ARNT2: variants seen among roughly 807,000 people sequenced by gnomAD.
The protein encoded by ARNT2 is ARNT protein 2.
A neutral mutation model predicts 91.7 loss-of-function variants in ARNT2; 36 were observed. The ratio of observed to expected loss-of-function variants is 0.39; its 90% CI spans 0.30 to 0.52. The LOEUF (loss-of-function observed/expected upper bound fraction) is 0.52, where lower values mean the gene tolerates loss of function less well. Ranked by LOEUF, ARNT2 falls within the 20% of genes least tolerant of loss-of-function variation. The pLI is 0.72. For missense variants in ARNT2, 775 were observed against 939.3 expected (o/e 0.83, Z 2.29); for synonymous variants, 365 against 347.1 (o/e 1.05, Z -0.57).
intron 3 of ARNT2, among the ~76,000 whole-genome samples, chr15:80,464,530 G>A (rs1039527815): frequency 6.6e-6 from 1 of 152,174 alleles, no homozygotes; most frequent in Non-Finnish European, 1.5e-5. Context: ...TGGACACACA[G>A]GTATCTTGTA....
At chr15:80,448,270 T>C (rs1896334776) in intron 1 of ARNT2, among the ~76,000 whole-genome samples, 1 of 152,266 alleles carries the variant, frequency 6.6e-6, no homozygotes, top group South Asian at 2.1e-4. Context: ...GACTTTCTTT[T>C]ACCTCATGAT....
rs116951936 is a variant in ARNT2, at chr15:80,438,169, A to G, written c.32-12711A>G. 2.6e-3 allele frequency among the ~76,000 whole-genome samples: 395 copies of G among 152,176 alleles called. 12 individuals are homozygous for G. In the East Asian group the frequency reaches 0.062, roughly 24 times the overall value. ...AGGATTCCTCACATTGTAAAGTTAA[A>G]CTCTAAGTCAGAAACAGTTGTATCT... is the stretch of plus-strand genomic sequence containing the variant. On this transcript the variant is annotated intron_variant, in intron 1 of 18. Transcript: ENST00000303329.
intron 1 of ARNT2, among the ~76,000 whole-genome samples, chr15:80,424,355 T>G (rs1895904310): frequency 6.6e-6 from 1 of 152,254 alleles, no homozygotes; most frequent in Non-Finnish European, 1.5e-5. Flanking sequence ...GGTTTCAGAC[T>G]TCATCTGGTT....
chr15:80,556,010 G>T (rs550969479), intron 11 of ARNT2: 2 of 151,868 alleles, frequency 1.3e-5, no homozygotes, highest in Admixed American at 1.3e-4. Context: ...AAGAGACCGG[G>T]TGTGGTGCCT....
At chr15:80,545,745 G>C (rs751428513) in intron 8 of ARNT2, among the ~76,000 whole-genome samples, 1 of 152,180 alleles carries the variant, frequency 6.6e-6, no homozygotes, top group Non-Finnish European at 1.5e-5. Flanking sequence ...TCATTCAAAG[G>C]GGGCCAGCTT....
intron 8 of ARNT2, among the ~76,000 whole-genome samples, chr15:80,518,420 A>G (rs753542418): frequency 4.0e-5 from 6 of 151,274 alleles, no homozygotes; most frequent in Non-Finnish European, 7.4e-5. Flanking sequence ...AGCTGGGACT[A>G]CAGGTGTGCA....
intron 1 of ARNT2, chr15:80,436,357 C>T (rs946610721): frequency 3.2e-5 from 5 of 154,472 alleles, no homozygotes; most frequent in African/African-American, 9.6e-5. Context: ...TGAATAGACA[C>T]TGCTTCCTGA....
At chr15:80,478,712 G>A (rs1595980265) in intron 5 of ARNT2, among the ~76,000 whole-genome samples, 1 of 152,220 alleles carries the variant, frequency 6.6e-6, no homozygotes, top group East Asian at 1.9e-4. Context: ...GTGGGGGAGA[G>A]CTTGGAAGAG....
intron 1 of ARNT2, among the ~76,000 whole-genome samples, chr15:80,414,108 T>C (rs1895741702): frequency 6.6e-6 from 1 of 152,192 alleles, no homozygotes; most frequent in African/African-American, 2.4e-5. Context: ...TTATCTTCAA[T>C]AGACCTCTAA....
intron 11 of ARNT2, 31 bp from the exon 12 acceptor site, chr15:80,563,056 CT>C (rs1458990800): frequency 6.2e-7 from 1 of 1,613,580 alleles, no homozygotes; most frequent in Non-Finnish European, 8.5e-7. Flanking sequence ...ATCCTTCCTC[CT>C]GCTGACTTCC....
At chr15:80,509,683 T>A (rs921080351) in intron 6 of ARNT2, among the ~76,000 whole-genome samples, 1 of 152,022 alleles carries the variant, frequency 6.6e-6, no homozygotes, top group Non-Finnish European at 1.5e-5. Flanking sequence ...ACATCACTGA[T>A]AAGGTGACTT....
At chr15:80,566,413 A>C (rs962895512) in intron 12 of ARNT2, among the ~76,000 whole-genome samples, 1 of 152,094 alleles carries the variant, frequency 6.6e-6, no homozygotes, top group Non-Finnish European at 1.5e-5. Context: ...TCCAGGGCCA[A>C]ACTCTGCACC....
chr15:80,431,406 C>G (rs1405346247), intron 1 of ARNT2, among the ~76,000 whole-genome samples: 1 of 152,210 alleles, frequency 6.6e-6, no homozygotes, highest in Admixed American at 6.5e-5. Flanking sequence ...TGACCTTGCT[C>G]CTGCCAACCA....
intron 17 of ARNT2, among the ~76,000 whole-genome samples, chr15:80,586,403 C>T (rs1898900806): frequency 1.3e-5 from 2 of 152,044 alleles, no homozygotes; most frequent in Admixed American, 6.5e-5. Flanking sequence ...CAGATCAGGT[C>T]GATACAGATT....
intron 13 of ARNT2, 86 bp downstream of exon 13, chr15:80,574,306 C>T: frequency 7.4e-7 from 1 of 1,343,622 alleles, no homozygotes; most frequent in Non-Finnish European, 1.1e-6. Context: ...GCTTGAGCCC[C>T]TCAACACAAA....
chr15:80,412,077 A>G (rs987924995), intron 1 of ARNT2, among the ~76,000 whole-genome samples: 3 of 152,228 alleles, frequency 2.0e-5, no homozygotes, highest in African/African-American at 7.2e-5. Context: ...AGATGCATTC[A>G]TTGCCCTCTG....
chr15:80,585,134 C>T (rs966404601), intron 17 of ARNT2, among the ~76,000 whole-genome samples: 2 of 152,234 alleles, frequency 1.3e-5, no homozygotes, highest in South Asian at 2.1e-4. Context: ...CCATTTCAGA[C>T]CTTTCACGTT....
At chr15:80,587,287 G>T (rs1044817537) in intron 17 of ARNT2, among the ~76,000 whole-genome samples, 1 of 151,148 alleles carries the variant, frequency 6.6e-6, no homozygotes, top group Non-Finnish European at 1.5e-5. Flanking sequence ...GTTGTGGGGG[G>T]GCTATCTCTT....
At chr15:80,494,548 T>A (rs530001259) in intron 5 of ARNT2, among the ~76,000 whole-genome samples, 7 of 152,362 alleles carry the variant, frequency 4.6e-5, no homozygotes, top group African/African-American at 1.7e-4. Flanking sequence ...ATGAAGAATT[T>A]GTACTTTTGT....
Sources: allele counts gnomAD v4.1 joint callset (sites outside exome capture counted in the v4.1 genomes callset), GRCh38; gene constraint gnomAD v4.1.1; transcripts MANE v1.5; gene names NCBI Gene and HGNC (gene_info 2026-07-23, HGNC 2026-07-21).